FHIT: variants seen among roughly 807,000 people sequenced by gnomAD.
The protein encoded by FHIT is fragile histidine triad diadenosine triphosphatase, also known as bis(5'-adenosyl)-triphosphatase.
FHIT carries 19 observed loss-of-function variants against 17.9 expected under a neutral mutation model. That is an observed-to-expected ratio of 1.06 (90% CI 0.74 to 1.56). The LOEUF (loss-of-function observed/expected upper bound fraction) is 1.56, where lower values mean the gene tolerates loss of function less well. Among genes scored for constraint, FHIT ranks in the 40% most tolerant of loss-of-function variants. FHIT has a pLI of 0.00. For synonymous variants in FHIT, 81 were observed against 69.7 expected (o/e 1.16, Z -0.81); for missense variants, 248 against 189.2 (o/e 1.31, Z -1.82).
At chr3:60,037,538 G>A (rs944151172) in intron 5 of FHIT, among the ~76,000 whole-genome samples, 14 of 150,134 alleles carry the variant, frequency 9.3e-5, no homozygotes, top group South Asian at 6.4e-4. Context: ...ACGCACCACC[G>A]CACTGGCTAA....
At chr3:59,898,476 A>G (rs929043504) in intron 8 of FHIT, among the ~76,000 whole-genome samples, 12 of 129,796 alleles carry the variant, frequency 9.2e-5, no homozygotes, top group Admixed American at 3.7e-4. Flanking sequence ...GTGTGTGTGT[A>G]TTTGGTAGAC....
intron 4 of FHIT, among the ~76,000 whole-genome samples, chr3:60,739,667 C>A (rs1553713519): frequency 6.6e-6 from 1 of 152,186 alleles, no homozygotes; most frequent in African/African-American, 2.4e-5. Context: ...TCAATTATAA[C>A]AACCAAAAAG....
chr3:60,165,180 C>T (rs567746474), intron 5 of FHIT, among the ~76,000 whole-genome samples: 3 of 152,220 alleles, frequency 2.0e-5, no homozygotes, highest in South Asian at 2.1e-4. Context: ...GAAAACCCAC[C>T]GTGCCAGGGA....
chr3:59,956,990 A>G (rs1048984643), intron 7 of FHIT, among the ~76,000 whole-genome samples: 6 of 152,140 alleles, frequency 3.9e-5, no homozygotes, highest in African/African-American at 1.2e-4. Context: ...CTTATTGTCC[A>G]TTTCTGCCTC....
chr3:60,429,161 C>T (rs994959486), intron 5 of FHIT, among the ~76,000 whole-genome samples: 10 of 151,896 alleles, frequency 6.6e-5, no homozygotes, highest in African/African-American at 1.7e-4. Flanking sequence ...ACTGAGGGTA[C>T]GACATTCATA....
At chr3:61,239,325 C>G (rs1407338472) in intron 1 of FHIT, among the ~76,000 whole-genome samples, 1 of 152,198 alleles carries the variant, frequency 6.6e-6, no homozygotes, top group African/African-American at 2.4e-5. Context: ...CTTTCCCTCT[C>G]TATGGTTCAG....
chr3:60,301,248 C>T (rs1438115936), intron 5 of FHIT, among the ~76,000 whole-genome samples: 1 of 152,034 alleles, frequency 6.6e-6, no homozygotes, highest in African/African-American at 2.4e-5. Flanking sequence ...GTCATATTGG[C>T]ATTGCTTCAT....
chr3:60,786,192 C>T (rs1553726866), intron 4 of FHIT, among the ~76,000 whole-genome samples: 1 of 152,142 alleles, frequency 6.6e-6, no homozygotes, highest in African/African-American at 2.4e-5. Flanking sequence ...TTGAACTTAG[C>T]CAAGTTGCTT....
intron 5 of FHIT, among the ~76,000 whole-genome samples, chr3:60,419,240 G>A (rs996600452): frequency 6.6e-6 from 1 of 152,196 alleles, no homozygotes; most frequent in Non-Finnish European, 1.5e-5. Context: ...AGTTTCGTGA[G>A]GGTTGTGATT....
intron 5 of FHIT, among the ~76,000 whole-genome samples, chr3:60,207,824 A>T (rs773907765): frequency 6.6e-6 from 1 of 152,190 alleles, no homozygotes; most frequent in Non-Finnish European, 1.5e-5. Context: ...ACTGGTTGGT[A>T]AGGACATGGT....
chr3:60,216,146 G>A (rs1703686873), intron 5 of FHIT, among the ~76,000 whole-genome samples: 1 of 152,166 alleles, frequency 6.6e-6, no homozygotes, highest in African/African-American at 2.4e-5. Flanking sequence ...GACCATGAAA[G>A]AGAAGCAGTG....
intron 5 of FHIT, among the ~76,000 whole-genome samples, chr3:60,017,094 G>T (rs2106713361): frequency 6.6e-6 from 1 of 152,274 alleles, no homozygotes; most frequent in East Asian, 1.9e-4. Context: ...TGTCATGCTT[G>T]TTAGAGCTTT....
At chr3:60,049,913 A>G (rs78612566) in intron 5 of FHIT, among the ~76,000 whole-genome samples, 9,025 of 151,968 alleles carry the variant, frequency 0.059, 280 homozygotes, top group South Asian at 0.092. Flanking sequence ...ATATCAAACA[A>G]CCCTCCAAAT....
intron 5 of FHIT, among the ~76,000 whole-genome samples, chr3:60,493,599 G>GAGCA (rs1442283030): frequency 6.6e-6 from 1 of 152,116 alleles, no homozygotes; most frequent in Admixed American, 6.5e-5. Context: ...ATTAATTTCA[G>GAGCA]TTTAATGCTC....
At chr3:60,354,724 G>C (rs1034873301) in intron 5 of FHIT, among the ~76,000 whole-genome samples, 1 of 152,062 alleles carries the variant, frequency 6.6e-6, no homozygotes, top group Non-Finnish European at 1.5e-5. Context: ...CTCAAAGTAC[G>C]CCGGTCCAAT....
At chr3:59,901,056 T>C (rs184424707) in intron 8 of FHIT, among the ~76,000 whole-genome samples, 15 of 152,328 alleles carry the variant, frequency 9.8e-5, no homozygotes, top group Admixed American at 3.3e-4. Context: ...TAACCTCCCA[T>C]TGTCTTTATG....
intron 5 of FHIT, among the ~76,000 whole-genome samples, chr3:60,155,551 G>T (rs1052825536): frequency 6.6e-6 from 1 of 152,128 alleles, no homozygotes; most frequent in African/African-American, 2.4e-5. Flanking sequence ...ATGTGGGCCT[G>T]GTTGGGTGGT....
intron 5 of FHIT, among the ~76,000 whole-genome samples, chr3:60,095,222 C>T (rs1348374495): frequency 1.3e-5 from 2 of 152,174 alleles, no homozygotes; most frequent in African/African-American, 4.8e-5. Flanking sequence ...GGAGGCAAAA[C>T]TTCTAGGATT....
intron 5 of FHIT, among the ~76,000 whole-genome samples, chr3:60,469,919 C>T (rs186618944): frequency 3.9e-5 from 6 of 152,202 alleles, no homozygotes; most frequent in Non-Finnish European, 7.4e-5. Context: ...ACAGATACCA[C>T]CGTGGTGGTC....
Sources: allele counts gnomAD v4.1 joint callset (sites outside exome capture counted in the v4.1 genomes callset), GRCh38; gene constraint gnomAD v4.1.1; transcripts MANE v1.5; gene names NCBI Gene and HGNC (gene_info 2026-07-23, HGNC 2026-07-21).